The following TPTE variants were observed in gnomAD, a reference collection of about 807,000 sequenced individuals.
TPTE encodes putative tyrosine-protein phosphatase TPTE.
In TPTE, 59 loss-of-function variants were observed where a neutral mutation model predicts 84.1. That is an observed-to-expected ratio of 0.70 (90% CI 0.57 to 0.87). The LOEUF (loss-of-function observed/expected upper bound fraction) is 0.87. Ranked by LOEUF, TPTE falls within the 40% of genes least tolerant of loss-of-function variation. The probability of loss-of-function intolerance (pLI) is 0.00; values close to 1 mark genes in which losing one functional copy is unlikely to be tolerated. For synonymous variants in TPTE, 130 were observed against 223.5 expected, an observed-to-expected ratio of 0.58 and a Z score of 3.73; for missense variants, 382 against 659.6, an observed-to-expected ratio of 0.58 and a Z score of 4.61.
intron 17 of TPTE, among the ~76,000 whole-genome samples, chr21:10,588,873 A>G: frequency 6.6e-6 from 1 of 152,424 alleles, no homozygotes; most frequent in Middle Eastern, 3.4e-3. Flanking sequence ...TTGATTTCTT[A>G]TTAAGATGTT....
At chr21:10,543,545 G>A (rs562135863) in intron 7 of TPTE, among the ~76,000 whole-genome samples, 163 bp downstream of exon 7, 1 of 152,420 alleles carries the variant, frequency 6.6e-6, no homozygotes, top group Non-Finnish European at 1.5e-5. Context: ...CACAAAACAC[G>A]GAGACAGATG....
intron 19 of TPTE, among the ~76,000 whole-genome samples, chr21:10,593,407 C>T (rs1417810946): frequency 6.6e-6 from 1 of 152,300 alleles, no homozygotes; most frequent in Admixed American, 6.5e-5. Context: ...AATCAGAATT[C>T]AAACAAAGTC....
intron 2 of TPTE, among the ~76,000 whole-genome samples, chr21:10,526,961 A>G (rs1485133198): frequency 6.6e-6 from 1 of 152,312 alleles, no homozygotes; most frequent in Non-Finnish European, 1.5e-5. Flanking sequence ...CCAGACAAAG[A>G]GAAAACAAAA....
chr21:10,533,605 G>A (rs1479222447), intron 3 of TPTE, among the ~76,000 whole-genome samples: 3 of 152,310 alleles, frequency 2.0e-5, no homozygotes, highest in Non-Finnish European at 4.4e-5. Context: ...ATTATTAATA[G>A]CACCCACTTT....
rs533426742 is a variant in TPTE at position 10,565,041 on chromosome 21, T to C, written c.447-2629T>C. On this transcript the variant is annotated intron_variant, in intron 10 of 23. Transcript: ENST00000618007. ...GAAAGAAAGGGAATAAAAAAAGAAATCCAAATTGGGATGGAAGAAGTAAAA... is the reference window on the plus strand; with the variant it reads ...GAAAGAAAGGGAATAAAAAAAGAAACCCAAATTGGGATGGAAGAAGTAAAA... 5.2e-5 allele frequency among the ~76,000 whole-genome samples: 8 copies of C among 152,420 alleles called. No homozygotes were observed. The South Asian group carries it at 1.4e-3, about 28-fold the overall frequency.
chr21:10,569,066 T>C (rs1299891257), intron 11 of TPTE, among the ~76,000 whole-genome samples: 3 of 152,312 alleles, frequency 2.0e-5, no homozygotes, highest in Non-Finnish European at 4.4e-5. Context: ...AAAATTAAAT[T>C]TACAGATGCT....
chr21:10,533,695 G>T (rs1407957321), intron 3 of TPTE, among the ~76,000 whole-genome samples: 1 of 152,306 alleles, frequency 6.6e-6, no homozygotes, highest in Non-Finnish European at 1.5e-5. Flanking sequence ...CTGTGTCATT[G>T]TCAGTAAGTT....
intron 3 of TPTE, among the ~76,000 whole-genome samples, chr21:10,532,685 G>C (rs1221660148): frequency 6.6e-6 from 1 of 152,302 alleles, no homozygotes; most frequent in East Asian, 1.9e-4. Flanking sequence ...ACTTTGTCAT[G>C]TTATTATCAA....
chr21:10,540,278 TGAG>T (rs2074345002), intron 4 of TPTE, among the ~76,000 whole-genome samples: 1 of 152,308 alleles, frequency 6.6e-6, no homozygotes, highest in South Asian at 2.1e-4. Context: ...CAAGAGAGAC[TGAG>T]TAGGGCTATT....
intron 20 of TPTE, 64 bp from the exon 21 acceptor site, chr21:10,597,951 T>G: frequency 6.3e-7 from 1 of 1,576,484 alleles, no homozygotes; most frequent in Non-Finnish European, 8.7e-7. Flanking sequence ...TGATGTTAAT[T>G]GGTGAGACAT....
chr21:10,604,557 A>T (rs567445929), intron 23 of TPTE, among the ~76,000 whole-genome samples: 1 of 152,306 alleles, frequency 6.6e-6, no homozygotes, highest in Non-Finnish European at 1.5e-5. Context: ...AATGCAAAAC[A>T]TTTAATGGAT....
chr21:10,554,980 T>C (rs1202430762), intron 8 of TPTE, among the ~76,000 whole-genome samples: 5 of 152,308 alleles, frequency 3.3e-5, no homozygotes, highest in Non-Finnish European at 7.3e-5. Context: ...GCCACCTCCC[T>C]ACCCCCAGAG....
At chr21:10,526,197 A>G (rs1216573223) in intron 2 of TPTE, among the ~76,000 whole-genome samples, 1 of 152,308 alleles carries the variant, frequency 6.6e-6, no homozygotes, top group Admixed American at 6.5e-5. Flanking sequence ...TCCAGGAGCC[A>G]TTCAAGGACA....
intron 3 of TPTE, among the ~76,000 whole-genome samples, chr21:10,532,506 T>C (rs1164224548): frequency 6.6e-6 from 1 of 152,308 alleles, no homozygotes; most frequent in East Asian, 1.9e-4. Context: ...TGACTTATGC[T>C]TACCTCCTTA....
chr21:10,593,044 CAG>C (rs1271018571), intron 19 of TPTE, among the ~76,000 whole-genome samples: 3 of 152,308 alleles, frequency 2.0e-5, no homozygotes, highest in Non-Finnish European at 4.4e-5. Flanking sequence ...TACAAAAGTC[CAG>C]AGAATCATAC....
intron 5 of TPTE, among the ~76,000 whole-genome samples, chr21:10,542,118 C>T (rs1325249834): frequency 6.6e-6 from 1 of 152,308 alleles, no homozygotes; most frequent in Non-Finnish European, 1.5e-5. Context: ...TAACTACCAC[C>T]ACAAAGTCTG....
At chr21:10,537,741 A>C (rs75596066) in intron 3 of TPTE, among the ~76,000 whole-genome samples, 4,934 of 150,162 alleles carry the variant, frequency 0.033, no homozygotes, top group East Asian at 0.068. Flanking sequence ...ATATATGAAC[A>C]AGGGAGGAAA....
intron 14 of TPTE, among the ~76,000 whole-genome samples, chr21:10,574,062 A>T (rs1445628047): frequency 1.3e-5 from 2 of 152,428 alleles, no homozygotes; most frequent in African/African-American, 4.8e-5. Context: ...AAAGATGGGG[A>T]TGCCATAACC....
intron 3 of TPTE, among the ~76,000 whole-genome samples, chr21:10,530,413 T>A (rs1283703018): frequency 6.6e-6 from 1 of 152,310 alleles, no homozygotes; most frequent in East Asian, 1.9e-4. Context: ...GTATTATTGT[T>A]TTGCCTATAT....
Sources: gnomAD v4.1 joint callset for allele counts (sites outside exome capture counted in the v4.1 genomes callset) on GRCh38, gnomAD v4.1.1 for gene constraint, MANE v1.5 for transcripts, NCBI Gene and HGNC (gene_info 2026-07-23, HGNC 2026-07-21) for gene names.